The following TCHP variants were observed in gnomAD, a reference collection of about 807,000 sequenced individuals.
The protein encoded by TCHP is trichoplein keratin filament binding, also known as trichoplein keratin filament-binding protein.
A neutral mutation model predicts 88.7 loss-of-function variants in TCHP; 81 were observed. The ratio of observed to expected loss-of-function variants is 0.91; its 90% CI spans 0.76 to 1.10. TCHP has a LOEUF of 1.10. TCHP is among the 50% of genes least tolerant of loss of function. TCHP has a pLI of 0.00. For synonymous variants in TCHP, 232 were observed against 232.5 expected, an observed-to-expected ratio of 1.00 and a Z score of 0.02; for missense variants, 641 against 632.1, an observed-to-expected ratio of 1.01 and a Z score of -0.15.
At chr12:109,886,671 A>G in the TCHP span, among the ~76,000 whole-genome samples, 133 of 151,892 alleles carry the variant, frequency 8.8e-4, 1 homozygote, top group East Asian at 0.02. Context: ...ACCAAGATCT[A>G]GATGTGCTTT....
Position 109,908,889 on chromosome 12 carries a change from GTATAACGCTCAAC to G in TCHP, c.833_845del (p.Tyr278SerfsTer47). The G allele has an allele frequency of 6.2e-7, 1 of 1,614,250 alleles. No homozygotes were observed. The highest frequency in any genetic ancestry group is 1.1e-5 in the South Asian group (1 of 91,088). The stretch of plus-strand genomic sequence containing the variant: ...CCTTCAGGCGTTTCTTGAGACATCA[GTATAACGCTCAAC>G]TCAGCAGACGCACACAGCAGATCCA... On this transcript the variant is annotated frameshift_variant, in exon 8 of 13. Transcript: ENST00000405876. LOFTEE classifies it high-confidence loss of function.
rs1870306587 is a variant in TCHP at position 109,908,758 on chromosome 12, C to T, written c.812+60C>T. On this transcript the variant is annotated intron_variant, in intron 7 of 12. Transcript: ENST00000405876. The stretch of plus-strand genomic sequence containing the variant: ...CGGGTGGGCCTCTTGCTTTTTCAGA[C>T]TTGCATTCGTGTTGCTGAAACCATA... 9 of 1,556,114 alleles carry T rather than the reference C, an allele frequency of 5.8e-6. No individual in the cohort carries two copies. The South Asian group carries it at 6.9e-5, about 12-fold the overall frequency.
chr12:109,895,499 G>A (rs972941607), upstream of TCHP, among the ~76,000 whole-genome samples: 1 of 152,082 alleles, frequency 6.6e-6, no homozygotes, highest in African/African-American at 2.4e-5. Context: ...GATTACAGGT[G>A]TGAATGACCT....
the TCHP span, among the ~76,000 whole-genome samples, chr12:109,891,390 C>CTTTT: frequency 1.2e-4 from 17 of 139,534 alleles, no homozygotes; most frequent in South Asian, 4.5e-4. Flanking sequence ...TTAATATTTC[C>CTTTT]TTTTTTTTTT....
chr12:109,881,187 G>A, the TCHP span, among the ~76,000 whole-genome samples: 1 of 152,196 alleles, frequency 6.6e-6, no homozygotes, highest in Non-Finnish European at 1.5e-5. Flanking sequence ...AAATCAAAAA[G>A]CACCTTAGCA....
intron 4 of TCHP, 75 bp downstream of exon 4, chr12:109,904,868 C>T (rs766106974): frequency 2.3e-5 from 31 of 1,374,168 alleles, no homozygotes; most frequent in East Asian, 2.1e-4. Flanking sequence ...TTTTTGAACA[C>T]GTATCTTGTA....
chr12:109,902,554 A>C (rs999366120), intron 1 of TCHP, among the ~76,000 whole-genome samples: 2 of 150,168 alleles, frequency 1.3e-5, no homozygotes, highest in Admixed American at 1.3e-4. Flanking sequence ...GTTCACTGCA[A>C]CCTCCACCTC....
upstream of TCHP, among the ~76,000 whole-genome samples, chr12:109,896,053 T>C (rs994092194): frequency 1.3e-5 from 2 of 152,102 alleles, no homozygotes; most frequent in Non-Finnish European, 2.9e-5. Context: ...TTCAAGTGAT[T>C]CTCTTGCTTC....
chr12:109,890,060 G>A, the TCHP span, among the ~76,000 whole-genome samples: 1 of 152,204 alleles, frequency 6.6e-6, no homozygotes, highest in Non-Finnish European at 1.5e-5. Flanking sequence ...GATAAAAATA[G>A]TATTTTGATC....
chr12:109,885,687 T>C, the TCHP span, among the ~76,000 whole-genome samples: 8,121 of 152,036 alleles, frequency 0.053, 316 homozygotes, highest in East Asian at 0.12. Context: ...TTCACCGTGT[T>C]AGCCAGGATG....
chr12:109,906,755 CTCTTT>C (rs1409381798), intron 5 of TCHP, 115 bp downstream of exon 5: 7 of 797,308 alleles, frequency 8.8e-6, no homozygotes, highest in Non-Finnish European at 1.4e-5. Flanking sequence ...GTGTAGTGTA[CTCTTT>C]TCTTAGTTTA....
chr12:109,915,585 A>ACAGACTCTGCC (rs777966564), intron 12 of TCHP, 39 bp downstream of exon 12: 1 of 1,577,366 alleles, frequency 6.3e-7, no homozygotes, highest in Non-Finnish European at 8.6e-7. Context: ...CACCGGCAAG[A>ACAGACTCTGCC]CAGACTCTGC....
the TCHP span, among the ~76,000 whole-genome samples, chr12:109,894,391 C>T: frequency 6.6e-6 from 1 of 150,792 alleles, no homozygotes; most frequent in African/African-American, 2.4e-5. Flanking sequence ...ACCCGGGAAG[C>T]CGAGCTTGCA....
upstream of TCHP, among the ~76,000 whole-genome samples, chr12:109,899,283 C>T (rs139943347): frequency 4.6e-5 from 7 of 152,300 alleles, no homozygotes; most frequent in African/African-American, 1.2e-4. Context: ...TTGTAGCACA[C>T]GAGTTATAAA....
In TCHP at chr12:109,916,954, G is replaced by C. The variant is rs115197347; in HGVS notation, c.*331G>C. The stretch of plus-strand genomic sequence containing the variant: ...ACAGGTTGTACCTGTGATGGGGCGT[G>C]TGGTTTCCTGTTGTCTCACCTTTAA... On this transcript the variant is annotated 3_prime_UTR_variant, in exon 13 of 13. Transcript: ENST00000405876. 4 of 244,984 alleles carry C rather than the reference G, an allele frequency of 1.6e-5. No homozygotes were observed. In the Admixed American group the frequency reaches 2.2e-4, roughly 14 times the overall value. 15.2% of individuals were successfully genotyped at this position (244,984 alleles called of 1,614,324 possible). A position where few individuals can be genotyped will look rare whatever the true frequency, so the allele number is the denominator to read the frequency against.
intron 11 of TCHP, chr12:109,915,048 C>T (rs754463995): frequency 1.1e-5 from 5 of 440,492 alleles, no homozygotes; most frequent in African/African-American, 2.0e-5. Context: ...ACAGCCTCTC[C>T]AGCTTTCTAC....
chr12:109,911,633 AGAAG>A (rs1449320005), intron 9 of TCHP, among the ~76,000 whole-genome samples: 3 of 149,630 alleles, frequency 2.0e-5, no homozygotes, highest in Non-Finnish European at 4.4e-5. Flanking sequence ...AAAAAAAAAA[AGAAG>A]AAGAAGAGAT....
At chr12:109,895,315 T>C (rs943049100), upstream of TCHP, among the ~76,000 whole-genome samples, 6 of 147,788 alleles carry the variant, frequency 4.1e-5, no homozygotes, top group Non-Finnish European at 7.4e-5. Context: ...GCTCAGGCAA[T>C]CCTCCCACTT....
At chr12:109,913,468 C>CT (rs1168994511) in intron 10 of TCHP, among the ~76,000 whole-genome samples, 11 of 152,228 alleles carry the variant, frequency 7.2e-5, no homozygotes, top group African/African-American at 2.7e-4. Context: ...CACCCGCTGC[C>CT]TTTCCATTCC....
Sources: allele counts gnomAD v4.1 joint callset (sites outside exome capture counted in the v4.1 genomes callset), GRCh38; gene constraint gnomAD v4.1.1; transcripts MANE v1.5; gene names NCBI Gene and HGNC (gene_info 2026-07-23, HGNC 2026-07-21).